SERTAD2: variants seen among roughly 807,000 people sequenced by gnomAD.
The protein encoded by SERTAD2 is SERTA domain-containing protein 2.
In SERTAD2, 2 loss-of-function variants were observed where a neutral mutation model predicts 15.4. The ratio of observed to expected loss-of-function variants is 0.13; its 90% confidence interval spans 0.05 to 0.41. SERTAD2 has a LOEUF of 0.41. Ranked by LOEUF, SERTAD2 falls within the 10% of genes least tolerant of loss-of-function variation. SERTAD2 has a pLI of 0.99. For synonymous variants in SERTAD2, 180 were observed against 178.0 expected, an observed-to-expected ratio of 1.01 and a Z score of -0.09; for missense variants, 333 against 409.7, an observed-to-expected ratio of 0.81 and a Z score of 1.62.
In SERTAD2 at chr2:64,634,809, A is replaced by G. The variant is rs568625681; in HGVS notation, c.*1118T>C. ...TGTAAAATTTCAGGTCATCATAAAA[A>G]TTATGCCAAAAAGGAAAGATCTGGG... is the stretch of plus-strand genomic sequence containing the variant. On this transcript the variant is annotated 3_prime_UTR_variant, in exon 2 of 2. Transcript: ENST00000313349. The G allele has an allele frequency of 2.0e-5, 3 of 152,418 alleles. No homozygotes were observed. The highest frequency in any genetic ancestry group is 4.4e-5 in the Non-Finnish European group (3 of 68,030). The allele number at this position is 152,418 out of a possible 1,614,324, so 9.4% of individuals were successfully genotyped here. A position where few individuals can be genotyped will look rare whatever the true frequency, so the allele number is the denominator to read the frequency against.
At position 64,635,854 on chromosome 2, in the gene SERTAD2, C is replaced by G; in HGVS notation, c.*73G>C. The G allele has an allele frequency of 8.6e-7, 1 of 1,167,728 alleles. No homozygotes were observed. Among genetic ancestry groups the G allele is most frequent in the East Asian group, 2.4e-5 (1 of 42,468 alleles). The allele number at this position is 1,167,728 out of a possible 1,614,324, so 72.3% of individuals were successfully genotyped here. On this transcript the variant is annotated 3_prime_UTR_variant, in exon 2 of 2. Transcript: ENST00000313349. The stretch of plus-strand genomic sequence containing the variant: ...AAAAAGGCAAGCAAGGGTGCATGCA[C>G]AGTGTGGAGAACTGTCAGGGTTATG...
intron 1 of SERTAD2, among the ~76,000 whole-genome samples, chr2:64,648,965 T>C (rs1312088218): frequency 6.6e-6 from 1 of 151,872 alleles, no homozygotes; most frequent in Admixed American, 6.6e-5. Flanking sequence ...GGCAGATTGG[T>C]TTTCTCTGAT....
rs1418025507 is a variant in SERTAD2 at position 64,632,692 on chromosome 2, T to C, written c.*3235A>G. 1 of 152,628 alleles carries C rather than the reference T, an allele frequency of 6.6e-6. No homozygotes were observed. The highest frequency in any genetic ancestry group is 1.5e-5 in the Non-Finnish European group (1 of 68,036). The allele number at this position is 152,628 out of a possible 1,614,324, so 9.5% of individuals were successfully genotyped here. On this transcript the variant is annotated 3_prime_UTR_variant, in exon 2 of 2. Transcript: ENST00000313349. ...GACCCATATTAGAGAAGAGTAAAAA[T>C]GAATGCGGACTGTGCATACAATGAG...
intron 1 of SERTAD2, among the ~76,000 whole-genome samples, chr2:64,645,730 G>A (rs1447866188): frequency 2.0e-5 from 3 of 152,176 alleles, no homozygotes; most frequent in African/African-American, 7.2e-5. Flanking sequence ...CATCTGGAAA[G>A]AGAATAGGCT....
chr2:64,640,449 G>T (rs956776490), intron 1 of SERTAD2, among the ~76,000 whole-genome samples: 2 of 147,678 alleles, frequency 1.4e-5, no homozygotes, highest in African/African-American at 2.5e-5. Context: ...GGTCAGGGTC[G>T]GCCCAGCTCC....
intron 1 of SERTAD2, among the ~76,000 whole-genome samples, chr2:64,640,730 C>T (rs1362249018): frequency 6.6e-6 from 1 of 152,128 alleles, no homozygotes; most frequent in Non-Finnish European, 1.5e-5. Context: ...TCCACTTTAT[C>T]TCCTCCCTTG....
At position 64,632,665 on chromosome 2, in the gene SERTAD2, T is replaced by C. The variant is rs557414263; in HGVS notation, c.*3262A>G. On this transcript the variant is annotated 3_prime_UTR_variant, in exon 2 of 2. Coordinates refer to ENST00000313349, the MANE Select transcript of SERTAD2 (RefSeq NM_014755.3). ...CCTCATACCTTTTGCATATTTCAAA[T>C]AGACCCATATTAGAGAAGAGTAAAA... 6.5e-6 allele frequency: 1 copy of C among 152,742 alleles called. No homozygotes were observed. Among genetic ancestry groups the C allele is most frequent in the South Asian group, 2.1e-4 (1 of 4,830 alleles). 9.5% of individuals were successfully genotyped at this position (152,742 alleles called of 1,614,324 possible). A position where few individuals can be genotyped will look rare whatever the true frequency, so the allele number is the denominator to read the frequency against.
chr2:64,636,514 G>A lies in SERTAD2; in HGVS notation c.358C>T (p.Leu120Phe), dbSNP rs760694889. The A allele has an allele frequency of 1.9e-5, 31 of 1,606,704 alleles. No homozygotes were observed. In the East Asian group the frequency reaches 6.9e-4, roughly 36 times the overall value. The change falls in exon 2 of 2, where the codon CTC becomes TTC. Residue 120 changes from leucine to phenylalanine, a missense_variant. Around this residue, in one of 2 missense-constraint regions of SERTAD2, gnomAD observed 332 missense variants for 392.9 expected, o/e 0.84. Transcript: ENST00000313349. Reference sequence around the variant, plus strand: ...GCCTCCAGGGGCGTAGTGCTTCCGAGGTCGCAGGGGTGGGAGGACGGGGAC... The same window carrying A: ...GCCTCCAGGGGCGTAGTGCTTCCGAAGTCGCAGGGGTGGGAGGACGGGGAC... ...LASPSSHPCD[L>F]GSTTPLEACL...
intron 1 of SERTAD2, among the ~76,000 whole-genome samples, chr2:64,637,585 CCA>C (rs1286975870): frequency 3.3e-5 from 5 of 152,142 alleles, no homozygotes; most frequent in Admixed American, 3.3e-4. Context: ...TCAACTTCAT[CCA>C]CACACAGTTA....
At chr2:64,651,495 G>C (rs1675008454) in intron 1 of SERTAD2, among the ~76,000 whole-genome samples, 2 of 152,132 alleles carry the variant, frequency 1.3e-5, no homozygotes, top group African/African-American at 4.8e-5. Context: ...GTTTAAAATA[G>C]CAGATACCAT....
chr2:64,652,158 C>G (rs1196324858), intron 1 of SERTAD2, among the ~76,000 whole-genome samples: 6 of 152,210 alleles, frequency 3.9e-5, no homozygotes, highest in Admixed American at 1.3e-4. Context: ...AACAGAAAAG[C>G]AGAGATCCAC....
chr2:64,639,430 G>C (rs747179233), intron 1 of SERTAD2, among the ~76,000 whole-genome samples: 1 of 152,082 alleles, frequency 6.6e-6, no homozygotes, highest in Non-Finnish European at 1.5e-5. Context: ...TGAAAGATTG[G>C]GGGGCCAGGG....
intron 1 of SERTAD2, among the ~76,000 whole-genome samples, chr2:64,642,288 C>T (rs962678193): frequency 2.0e-5 from 3 of 152,198 alleles, no homozygotes; most frequent in Admixed American, 6.5e-5. Flanking sequence ...GGCCCAGATT[C>T]TCCTTGCTGG....
At chr2:64,653,055 C>T (rs72894633) in intron 1 of SERTAD2, among the ~76,000 whole-genome samples, 2,592 of 152,182 alleles carry the variant, frequency 0.017, 65 homozygotes, top group African/African-American at 0.057. Context: ...GTTTAATATA[C>T]ATGTAGATCC....
intron 1 of SERTAD2, among the ~76,000 whole-genome samples, chr2:64,651,395 C>T (rs1277920493): frequency 6.6e-6 from 1 of 152,130 alleles, no homozygotes; most frequent in African/African-American, 2.4e-5. Flanking sequence ...CTTCAAACTG[C>T]CTTCATACGT....
rs1338673394 is a variant in SERTAD2, at chr2:64,634,024, T to A, written c.*1903A>T. The stretch of plus-strand genomic sequence containing the variant: ...GTGCCATTTTATAAAGTTGTCTTTT[T>A]TAATTAGCCAGAAAGACCCAATTTT... On this transcript the variant is annotated 3_prime_UTR_variant, in exon 2 of 2. Coordinates refer to ENST00000313349, the MANE Select transcript of SERTAD2 (RefSeq NM_014755.3). 1 of 152,650 alleles carries A rather than the reference T, an allele frequency of 6.6e-6. No individual in the cohort carries two copies. The highest frequency in any genetic ancestry group is 1.5e-5 in the Non-Finnish European group (1 of 68,058). The allele number at this position is 152,650 out of a possible 1,614,324, so 9.5% of individuals were successfully genotyped here. A position where few individuals can be genotyped will look rare whatever the true frequency, so the allele number is the denominator to read the frequency against.
At position 64,634,478 on chromosome 2, in the gene SERTAD2, A is replaced by C. The variant is rs1558650223; in HGVS notation, c.*1449T>G. On this transcript the variant is annotated 3_prime_UTR_variant, in exon 2 of 2. Coordinates refer to ENST00000313349, the MANE Select transcript of SERTAD2 (RefSeq NM_014755.3). ...ACAAGTGTGAAGTAGCTGACTCAGG[A>C]AAGCAACCAGATGGGAAGCTGTGAC... 1 of 152,206 alleles carries C rather than the reference A, an allele frequency of 6.6e-6. No individual in the cohort carries two copies. The highest frequency in any genetic ancestry group is 1.5e-5 in the Non-Finnish European group (1 of 68,042). The allele number at this position is 152,206 out of a possible 1,614,324, so 9.4% of individuals were successfully genotyped here.
intron 1 of SERTAD2, among the ~76,000 whole-genome samples, chr2:64,649,240 C>A (rs1189852654): frequency 6.6e-6 from 1 of 152,176 alleles, no homozygotes; most frequent in Non-Finnish European, 1.5e-5. Flanking sequence ...GGGTGGGGTA[C>A]ACCAGCAGGC....
chr2:64,637,543 T>C (rs1452910488), intron 1 of SERTAD2, among the ~76,000 whole-genome samples: 3 of 152,168 alleles, frequency 2.0e-5, no homozygotes, highest in Non-Finnish European at 4.4e-5. Context: ...AGGGGAGGAA[T>C]GCGTATGTCC....
Sources: allele counts gnomAD v4.1 joint callset (sites outside exome capture counted in the v4.1 genomes callset), GRCh38; gene constraint gnomAD v4.1.1; regional missense constraint gnomAD v4.1.1; transcripts MANE v1.5; gene names NCBI Gene and HGNC (gene_info 2026-07-23, HGNC 2026-07-21).